Variants in EMP2 observed in about 807,000 individuals in gnomAD.
EMP2 encodes the protein epithelial membrane protein 2.
A neutral mutation model predicts 13.7 loss-of-function variants in EMP2; 19 were observed. The observed-to-expected ratio is 1.38, with a 90% confidence interval of 0.97 to 2.03. EMP2 has a LOEUF of 2.03. Ranked by LOEUF, EMP2 falls within the 30% of genes most tolerant of loss-of-function variation. EMP2 has a pLI of 0.00. For synonymous variants in EMP2, 97 were observed against 84.7 expected, an observed-to-expected ratio of 1.15 and a Z score of -0.80; for missense variants, 253 against 220.7, an observed-to-expected ratio of 1.15 and a Z score of -0.93.
chr16:10,538,697 G>A (rs532997805), intron 3 of EMP2, among the ~76,000 whole-genome samples: 1 of 152,296 alleles, frequency 6.6e-6, no homozygotes, highest in African/African-American at 2.4e-5. Context: ...AGGGTGGAGG[G>A]TGTCACATGG....
At chr16:10,559,419 T>A (rs1247919016) in intron 1 of EMP2, among the ~76,000 whole-genome samples, 1 of 152,210 alleles carries the variant, frequency 6.6e-6, no homozygotes, top group Non-Finnish European at 1.5e-5. Context: ...AAGTCAGCAT[T>A]TGGCTCTCTC....
chr16:10,567,686 G>T lies in EMP2; in HGVS notation c.-61+12863C>A, dbSNP rs1327318388. On this transcript the variant is annotated intron_variant, in intron 1 of 4. Coordinates refer to ENST00000359543, the MANE Select transcript of EMP2 (RefSeq NM_001424.6). ...GACCCCCTGAGGAAAAGGCAAAGTG[G>T]AGAGACTCGGGTTTCCCCAAAGAGG... Among the ~76,000 whole-genome samples the T allele has an allele frequency of 9.9e-5, 15 of 152,154 alleles. 1 individual carries two copies. The highest frequency in any genetic ancestry group is 9.2e-4 in the Admixed American group (14 of 15,270).
chr16:10,551,824 C>A (rs750745348), intron 1 of EMP2, among the ~76,000 whole-genome samples: 1 of 152,148 alleles, frequency 6.6e-6, no homozygotes, highest in South Asian at 2.1e-4. Flanking sequence ...CCTCTCCAAC[C>A]ATGCTCATTC....
At chr16:10,558,998 G>A (rs373346398) in intron 1 of EMP2, 2 of 152,276 alleles carry the variant, frequency 1.3e-5, no homozygotes, top group African/African-American at 4.8e-5. Flanking sequence ...ACAGACCTGA[G>A]ATGTTCGGCG....
At chr16:10,558,739 G>C (rs2050850762) in intron 1 of EMP2, among the ~76,000 whole-genome samples, 1 of 151,960 alleles carries the variant, frequency 6.6e-6, no homozygotes, top group African/African-American at 2.4e-5. Flanking sequence ...TCCCCTGCTT[G>C]CTGTTGCCAA....
chr16:10,557,055 T>C (rs1214126819), intron 1 of EMP2, among the ~76,000 whole-genome samples: 1 of 151,964 alleles, frequency 6.6e-6, no homozygotes, highest in Middle Eastern at 3.2e-3. Flanking sequence ...AGAGAGGGCC[T>C]AAAAAAGAAT....
At position 10,539,704 on chromosome 16, in the gene EMP2, T is replaced by C. The variant is rs537033122; in HGVS notation, c.170-1630A>G. 8.5e-5 allele frequency among the ~76,000 whole-genome samples: 13 copies of C among 152,114 alleles called. No homozygotes were observed. In the South Asian group the frequency reaches 2.7e-3, roughly 32 times the overall value. On this transcript the variant is annotated intron_variant, in intron 3 of 4. Coordinates refer to ENST00000359543, the MANE Select transcript of EMP2 (RefSeq NM_001424.6). ...AAGCCTGCGTTTCCTTGTTTGTAAA[T>C]TATAACTCCATTAAAAAAAGAAAAA...
chr16:10,541,760 G>A (rs1260166612), intron 3 of EMP2, among the ~76,000 whole-genome samples: 1 of 152,140 alleles, frequency 6.6e-6, no homozygotes, highest in Non-Finnish European at 1.5e-5. Flanking sequence ...CACCTAGACT[G>A]GAATCCTGCC....
In EMP2 at chr16:10,538,029, G is replaced by A. The variant is rs1478492760; in HGVS notation, c.215C>T (p.Thr72Ile). ...QAVQATMILSTILCCIAFFIF... is the reference protein window; with the variant it reads ...QAVQATMILSIILCCIAFFIF... ...GAAGAAGGCGATGCAGCAGAGAATG[G>A]TGGAGAGGATCATGGTGGCCTGGAC... The change falls in exon 4 of 5, where the codon ACC becomes ATC. Residue 72 changes from threonine to isoleucine, a missense_variant. Coordinates refer to ENST00000359543, the MANE Select transcript of EMP2 (RefSeq NM_001424.6). 6.2e-7 allele frequency: 1 copy of A among 1,614,002 alleles called. No individual in the cohort carries two copies. Among genetic ancestry groups the A allele is most frequent in the Non-Finnish European group, 8.5e-7 (1 of 1,180,028 alleles).
At chr16:10,573,019 G>A (rs549228860) in intron 1 of EMP2, among the ~76,000 whole-genome samples, 23 of 152,294 alleles carry the variant, frequency 1.5e-4, no homozygotes, top group African/African-American at 5.5e-4. Context: ...CACAGTGAAA[G>A]GGAGTGGTCA....
chr16:10,553,750 C>G (rs1037149284), intron 1 of EMP2, among the ~76,000 whole-genome samples: 2 of 152,274 alleles, frequency 1.3e-5, no homozygotes, highest in African/African-American at 4.8e-5. Flanking sequence ...ATTTACTTAA[C>G]TGGTTCCCTA....
chr16:10,533,133 A>C (rs775123649), intron 4 of EMP2, 41 bp from the exon 5 acceptor site: 1 of 1,485,908 alleles, frequency 6.7e-7, no homozygotes, highest in Non-Finnish European at 9.0e-7. Context: ...ATCATGGACC[A>C]CAGTGCACCC....
At chr16:10,558,445 G>A (rs949006870) in intron 1 of EMP2, among the ~76,000 whole-genome samples, 2 of 151,488 alleles carry the variant, frequency 1.3e-5, no homozygotes, top group African/African-American at 4.9e-5. Flanking sequence ...TAGAGGTGCC[G>A]TCCAGCTATG....
chr16:10,576,128 G>A (rs1363520291), intron 1 of EMP2, among the ~76,000 whole-genome samples: 1 of 151,984 alleles, frequency 6.6e-6, no homozygotes, highest in Non-Finnish European at 1.5e-5. Context: ...AACCCAAGCA[G>A]AAGTATCTGT....
intron 1 of EMP2, among the ~76,000 whole-genome samples, chr16:10,556,320 C>A (rs2142193739): frequency 6.6e-6 from 1 of 152,138 alleles, no homozygotes; most frequent in South Asian, 2.1e-4. Context: ...GTTGCAGAAC[C>A]CCAAACGCAA....
At chr16:10,569,294 A>G (rs2050930962) in intron 1 of EMP2, among the ~76,000 whole-genome samples, 1 of 152,178 alleles carries the variant, frequency 6.6e-6, no homozygotes, top group Non-Finnish European at 1.5e-5. Context: ...CTTAAAACAC[A>G]TTAAGCTTAA....
intron 1 of EMP2, among the ~76,000 whole-genome samples, chr16:10,569,186 C>T (rs2050930443): frequency 6.6e-6 from 1 of 152,170 alleles, no homozygotes; most frequent in Admixed American, 6.5e-5. Flanking sequence ...GTACATGATC[C>T]AGCAAATGGG....
intron 1 of EMP2, among the ~76,000 whole-genome samples, chr16:10,559,446 C>T (rs950014357): frequency 2.0e-5 from 3 of 152,204 alleles, no homozygotes; most frequent in Non-Finnish European, 4.4e-5. Context: ...TGGCAACAGG[C>T]GGGACACTGG....
intron 1 of EMP2, among the ~76,000 whole-genome samples, chr16:10,560,220 A>G (rs1268399351): frequency 1.3e-5 from 2 of 152,186 alleles, no homozygotes; most frequent in South Asian, 2.1e-4. Flanking sequence ...GGCCACTGCT[A>G]AGTTATTCCT....
Sources: allele counts gnomAD v4.1 joint callset (sites outside exome capture counted in the v4.1 genomes callset), GRCh38; gene constraint gnomAD v4.1.1; transcripts MANE v1.5; gene names NCBI Gene and HGNC (gene_info 2026-07-23, HGNC 2026-07-21).